The following NAV2 variants were observed in gnomAD, a reference collection of about 807,000 sequenced individuals.
NAV2 encodes neuron navigator 2, also known as helicase, APC down-regulated 1.
Under a neutral mutation model 223.2 loss-of-function variants are expected in NAV2, and 54 were observed. The ratio of observed to expected loss-of-function variants is 0.24; its 90% CI spans 0.19 to 0.30. The LOEUF is 0.30. NAV2 is among the 10% of genes least tolerant of loss of function. NAV2 has a pLI of 1.00. For missense variants in NAV2, 2,806 were observed against 3,147.5 expected, an observed-to-expected ratio of 0.89 and a Z score of 2.60; for synonymous variants, 1,279 against 1,239.3, an observed-to-expected ratio of 1.03 and a Z score of -0.67.
chr11:19,909,838 T>G (rs181092604), intron 6 of NAV2, among the ~76,000 whole-genome samples: 1 of 152,282 alleles, frequency 6.6e-6, no homozygotes, highest in Admixed American at 6.5e-5. Context: ...GCCTTCCATG[T>G]GTGTCAACAG....
At chr11:19,903,914 T>C (rs1179543120) in intron 6 of NAV2, among the ~76,000 whole-genome samples, 1 of 152,118 alleles carries the variant, frequency 6.6e-6, no homozygotes, top group African/African-American at 2.4e-5. Flanking sequence ...TGTGATCAGG[T>C]TCATGTGGCC....
chr11:20,081,794 T>C (rs565060459), intron 25 of NAV2, among the ~76,000 whole-genome samples: 9 of 152,276 alleles, frequency 5.9e-5, no homozygotes, highest in African/African-American at 2.2e-4. Flanking sequence ...CTGGAACGTA[T>C]TTTCACAAGG....
At chr11:19,747,863 G>A (rs2053507766) in intron 1 of NAV2, among the ~76,000 whole-genome samples, 1 of 152,290 alleles carries the variant, frequency 6.6e-6, no homozygotes, top group East Asian at 1.9e-4. Context: ...GATCCCTTCT[G>A]GAAACCAGGA....
chr11:19,730,752 C>G (rs930646856), intron 1 of NAV2, among the ~76,000 whole-genome samples: 2 of 152,140 alleles, frequency 1.3e-5, no homozygotes, highest in Non-Finnish European at 2.9e-5. Context: ...CACCGGACAC[C>G]AGGATCATAG....
chr11:19,668,481 C>T (rs1051471063), intron 1 of NAV2, among the ~76,000 whole-genome samples: 1 of 127,148 alleles, frequency 7.9e-6, no homozygotes, highest in Non-Finnish European at 1.6e-5. Context: ...TGCAGTGAGC[C>T]GAATTCATGC....
chr11:19,697,144 G>A (rs539413866), intron 1 of NAV2, among the ~76,000 whole-genome samples: 20 of 152,296 alleles, frequency 1.3e-4, no homozygotes, highest in Admixed American at 9.2e-4. Context: ...GGGTGGAGCT[G>A]GAGGTCATTA....
At chr11:19,974,445 A>G (rs556527352) in intron 10 of NAV2, among the ~76,000 whole-genome samples, 3 of 152,354 alleles carry the variant, frequency 2.0e-5, no homozygotes, top group African/African-American at 7.2e-5. Flanking sequence ...ATAATAATGT[A>G]TTAATATTGG....
intron 1 of NAV2, among the ~76,000 whole-genome samples, chr11:19,566,952 GA>G (rs1411054639): frequency 6.6e-6 from 1 of 152,154 alleles, no homozygotes; most frequent in Non-Finnish European, 1.5e-5. Flanking sequence ...TTTGTTTTAT[GA>G]AAAAGGTCTA....
At chr11:19,398,028 T>G (rs571819361) in intron 1 of NAV2, among the ~76,000 whole-genome samples, 107 of 152,350 alleles carry the variant, frequency 7.0e-4, no homozygotes, top group African/African-American at 2.3e-3. Flanking sequence ...GAAATGGCAC[T>G]GCTGGCTTCC....
chr11:19,867,200 A>G (rs1259654902), intron 3 of NAV2, among the ~76,000 whole-genome samples: 1 of 152,216 alleles, frequency 6.6e-6, no homozygotes, highest in African/African-American at 2.4e-5. Context: ...GCTCCAAGAC[A>G]TCACACACAG....
intron 1 of NAV2, among the ~76,000 whole-genome samples, chr11:19,553,703 C>A (rs889098625): frequency 6.6e-6 from 1 of 152,352 alleles, no homozygotes; most frequent in South Asian, 2.1e-4. Flanking sequence ...TGCAAATATG[C>A]CTTGGCATTG....
intron 1 of NAV2, among the ~76,000 whole-genome samples, chr11:19,756,441 T>C (rs1160329628): frequency 2.0e-5 from 3 of 152,210 alleles, no homozygotes; most frequent in African/African-American, 7.2e-5. Flanking sequence ...TAGAAGGTAT[T>C]ACCAAGAAAT....
chr11:19,678,988 A>G lies in NAV2; in HGVS notation c.76-153496A>G, dbSNP rs917584398. Reference sequence around the variant, plus strand: ...GTTATGTTGACTAATATTTATCAACATAGAAAGATTTCCTATGTTGTTAAA... The same window carrying G: ...GTTATGTTGACTAATATTTATCAACGTAGAAAGATTTCCTATGTTGTTAAA... On this transcript the variant is annotated intron_variant, in intron 1 of 37. Coordinates refer to the NAV2 transcript ENST00000360655. Among the ~76,000 whole-genome samples, 6 of 152,374 alleles carry G rather than the reference A, an allele frequency of 3.9e-5. 1 individual carries two copies. The South Asian group carries it at 1.0e-3, about 26-fold the overall frequency.
intron 7 of NAV2, among the ~76,000 whole-genome samples, chr11:19,938,720 G>A (rs1741848099): frequency 6.6e-6 from 1 of 152,158 alleles, no homozygotes; most frequent in African/African-American, 2.4e-5. Context: ...GAGGTGAAAG[G>A]AGCACAGGGA....
intron 19 of NAV2, among the ~76,000 whole-genome samples, chr11:20,061,568 CAAAA>C (rs34084582): frequency 2.1e-5 from 2 of 94,800 alleles, no homozygotes; most frequent in Non-Finnish European, 4.3e-5. Flanking sequence ...AACTCCATCT[CAAAA>C]AAAAAAAAAA....
intron 1 of NAV2, among the ~76,000 whole-genome samples, chr11:19,610,885 C>T (rs2046620987): frequency 6.6e-6 from 1 of 152,246 alleles, no homozygotes; most frequent in Non-Finnish European, 1.5e-5. Flanking sequence ...CCCAGGCCTA[C>T]TTGCCTAAAT....
In NAV2 at chr11:19,948,932, T is replaced by C. The variant is rs1349085402; in HGVS notation, c.2497T>C (p.Ser833Pro). 1 of 1,614,088 alleles carries C rather than the reference T, an allele frequency of 6.2e-7. No homozygotes were observed. Among genetic ancestry groups the C allele is most frequent in the South Asian group, 1.1e-5 (1 of 91,064 alleles). The change falls in exon 10 of 38, where the codon TCC becomes CCC. Residue 833 changes from serine to proline, a missense_variant. Ser to Pro is a moderately conservative substitution (Grantham distance 74). Transcript: ENST00000349880. ...CGCCCCTCTGAGAAGGCAGCTGGCCTCCCGGGGCAGTAGTGTCTGCCATGT... is the reference window on the plus strand; with the variant it reads ...CGCCCCTCTGAGAAGGCAGCTGGCCCCCCGGGGCAGTAGTGTCTGCCATGT... Reference protein sequence around the residue: ...YSAPLRRQLASRGSSVCHVDV... With the variant: ...YSAPLRRQLAPRGSSVCHVDV...
At chr11:19,900,567 G>C (rs1258162026) in intron 6 of NAV2, among the ~76,000 whole-genome samples, 1 of 152,092 alleles carries the variant, frequency 6.6e-6, no homozygotes, top group Admixed American at 6.5e-5. Flanking sequence ...GACTTGAATA[G>C]GGCAGGTGCA....
chr11:20,033,620 C>T (rs2056018061), intron 11 of NAV2, among the ~76,000 whole-genome samples: 1 of 152,158 alleles, frequency 6.6e-6, no homozygotes, highest in African/African-American at 2.4e-5. Flanking sequence ...CCTCATCCTC[C>T]CACCTTGGGA....
Sources: allele counts gnomAD v4.1 joint callset (sites outside exome capture counted in the v4.1 genomes callset), GRCh38; gene constraint gnomAD v4.1.1; transcripts MANE v1.5; gene names NCBI Gene and HGNC (gene_info 2026-07-23, HGNC 2026-07-21).